Variants in KIFC3 observed in about 807,000 individuals in gnomAD.
KIFC3 encodes kinesin family member C3.
KIFC3 carries 60 observed loss-of-function variants against 101.8 expected under a neutral mutation model. That is an observed-to-expected ratio of 0.59 (90% CI 0.48 to 0.73). KIFC3 has a LOEUF of 0.73. Ranked by LOEUF, KIFC3 falls within the 30% of genes least tolerant of loss-of-function variation. The pLI, the probability that KIFC3 is intolerant of heterozygous loss-of-function variation, is 0.00. For missense variants in KIFC3, 966 were observed against 1,137.1 expected, an observed-to-expected ratio of 0.85 and a Z score of 2.16; for synonymous variants, 476 against 482.7, an observed-to-expected ratio of 0.99 and a Z score of 0.18.
Position 57,765,619 on chromosome 16 carries a change from C to T in KIFC3, c.1352G>A (p.Arg451His), listed in dbSNP as rs980456107. 5.0e-6 allele frequency: 8 copies of T among 1,611,570 alleles called. No homozygotes were observed. The highest frequency in any genetic ancestry group is 5.9e-6 in the Non-Finnish European group (7 of 1,178,906). The change falls in exon 11 of 20, where the codon CGT (arginine) becomes CAT (histidine). Residue 451 changes from arginine to histidine, a missense_variant. By Grantham distance (29) the Arg-to-His change is conservative. Coordinates refer to ENST00000445690, the MANE Select transcript of KIFC3 (RefSeq NM_001130100.2). ...RLKGNIRVIA[R>H]VRPVTKEDGE... The stretch of plus-strand genomic sequence containing the variant: ...ATCCTCTTTGGTGACTGGCCGGACA[C>T]GAGCAATCACTCGGATGTTCCCTGG...
In KIFC3 at chr16:57,766,218, C is replaced by T. The variant is rs4784856; in HGVS notation, c.1331-578G>A. ...GCTCTTGGAATGAAGAGGAAACACC[C>T]CCCACTGCCAGCATGGCCCACCTGC... On this transcript the variant is annotated intron_variant, in intron 10 of 19. Transcript: ENST00000445690. Among the ~76,000 whole-genome samples, 739 of 152,272 alleles carry T rather than the reference C, an allele frequency of 4.9e-3. 2 individuals carry two copies. Among genetic ancestry groups the T allele is most frequent in the African/African-American group, 0.017 (708 of 41,546 alleles).
chr16:57,809,424 T>C (rs2149255817), intron 1 of KIFC3, among the ~76,000 whole-genome samples: 1 of 152,356 alleles, frequency 6.6e-6, no homozygotes, highest in East Asian at 1.9e-4. Flanking sequence ...GCCTCCCGTG[T>C]ACTGGAACTA....
intron 2 of KIFC3, chr16:57,797,870 T>C: frequency 6.9e-7 from 1 of 1,459,302 alleles, no homozygotes; most frequent in Non-Finnish European, 9.0e-7. Flanking sequence ...GTCTCCTCTT[T>C]TCCAGACAGG....
At chr16:57,833,195 C>T (rs1555479690) in intron 1 of KIFC3, among the ~76,000 whole-genome samples, 1 of 145,918 alleles carries the variant, frequency 6.9e-6, no homozygotes, top group African/African-American at 2.6e-5. Flanking sequence ...GGCAAAGCAA[C>T]ACTCTGTCTC....
At chr16:57,820,380 T>C (rs546787261) in intron 1 of KIFC3, among the ~76,000 whole-genome samples, 99 of 152,222 alleles carry the variant, frequency 6.5e-4, no homozygotes, top group Non-Finnish European at 1.2e-3. Context: ...GCTCAAGCAA[T>C]TCCCCCACCT....
chr16:57,780,592 AG>A (rs1555613991), intron 3 of KIFC3, among the ~76,000 whole-genome samples: 8 of 149,216 alleles, frequency 5.4e-5, no homozygotes, highest in Admixed American at 2.0e-4. Context: ...AAAAAAAAAA[AG>A]AAGAAGGCAG....
chr16:57,813,771 A>C (rs1257663448), intron 1 of KIFC3: 5 of 985,290 alleles, frequency 5.1e-6, no homozygotes, highest in African/African-American at 1.7e-5. Flanking sequence ...GTGCCTTCAG[A>C]GGGAAGAGAA....
At chr16:57,793,376 C>T (rs1217891434) in intron 3 of KIFC3, among the ~76,000 whole-genome samples, 18 of 144,832 alleles carry the variant, frequency 1.2e-4, no homozygotes, top group East Asian at 4.1e-4. Context: ...GCAGATCACT[C>T]GAGGTTAGGA....
chr16:57,781,915 C>A, intron 3 of KIFC3: 1 of 985,252 alleles, frequency 1.0e-6, no homozygotes, highest in Non-Finnish European at 1.2e-6. Context: ...AACCCTCACC[C>A]TTAACCATGG....
chr16:57,819,670 C>T (rs1555629580), intron 1 of KIFC3, among the ~76,000 whole-genome samples: 1 of 152,078 alleles, frequency 6.6e-6, no homozygotes, highest in Non-Finnish European at 1.5e-5. Context: ...AAGCGATTCT[C>T]CTGCCTCAGC....
In KIFC3 at chr16:57,769,612, T is replaced by C; in HGVS notation, c.1201A>G (p.Arg401Gly). The change falls in exon 9 of 20, where the codon AGG becomes GGG. Residue 401 changes from arginine to glycine, a missense_variant. Arg to Gly is a moderately radical substitution (Grantham distance 125). This residue lies in a region of KIFC3 where 689 missense variants were observed against 884.6 expected (regional missense o/e 0.78). Coordinates refer to ENST00000445690, the MANE Select transcript of KIFC3 (RefSeq NM_001130100.2). This position sits in a 1 kb window ranked among gnomAD's most constrained non-coding sequence, Gnocchi z 4.3. ...TCGCTCACCTCGGCCTTGACACTCC[T>C]GAGGGCCTCCTGCAGCAGCAGTGGG... Reference protein sequence around the residue: ...GFPLLLQEALRSVKAEIGQAI... With the variant: ...GFPLLLQEALGSVKAEIGQAI... 2.0e-5 allele frequency: 33 copies of C among 1,610,844 alleles called. No individual in the cohort carries two copies. The highest frequency in any genetic ancestry group is 2.8e-5 in the Non-Finnish European group (33 of 1,179,916).
At chr16:57,763,761 T>A (rs1385698710) in intron 12 of KIFC3, among the ~76,000 whole-genome samples, 1 of 152,050 alleles carries the variant, frequency 6.6e-6, no homozygotes, top group African/African-American at 2.4e-5. Flanking sequence ...CCGCCACTCA[T>A]CCCAGATCCC....
rs1568065390 is a variant in KIFC3 at position 57,802,340 on chromosome 16, G to C, written c.-40+30C>G. The stretch of plus-strand genomic sequence containing the variant: ...CCGGGCAGAGCCCAGCGCCCCGCTC[G>C]CACCCAGCCCGCCCGGGCCCCCCAC... On this transcript the variant is annotated intron_variant, in intron 1 of 19. Coordinates refer to ENST00000445690, the MANE Select transcript of KIFC3 (RefSeq NM_001130100.2). This position sits in a 1 kb window ranked among gnomAD's most constrained non-coding sequence, Gnocchi z 5.0. 1 of 967,930 alleles carries C rather than the reference G, an allele frequency of 1.0e-6. No individual in the cohort carries two copies. The highest frequency in any genetic ancestry group is 1.8e-5 in the African/African-American group (1 of 56,732). 60.0% of individuals were successfully genotyped at this position (967,930 alleles called of 1,614,324 possible).
chr16:57,836,623 C>T (rs1555480387), intron 1 of KIFC3, among the ~76,000 whole-genome samples: 4 of 152,162 alleles, frequency 2.6e-5, no homozygotes, highest in African/African-American at 9.7e-5. Context: ...CAAAAATGTA[C>T]CCTCTTGCTC....
At chr16:57,786,602 G>A (rs2053351670) in intron 3 of KIFC3, among the ~76,000 whole-genome samples, 1 of 152,174 alleles carries the variant, frequency 6.6e-6, no homozygotes, top group Admixed American at 6.5e-5. Context: ...GTGTGGCAGA[G>A]TGAAGGGTGA....
At chr16:57,768,138 C>G (rs1448074942) in intron 9 of KIFC3, among the ~76,000 whole-genome samples, 3 of 152,038 alleles carry the variant, frequency 2.0e-5, no homozygotes, top group African/African-American at 7.2e-5. Flanking sequence ...CCAGCCTGGC[C>G]AACATGGTGA....
At chr16:57,823,759 CTTTGTGTGTGTG>C (rs782437973) in intron 1 of KIFC3, among the ~76,000 whole-genome samples, 1 of 54,672 alleles carries the variant, frequency 1.8e-5, no homozygotes, top group South Asian at 6.2e-4. Context: ...CACCCGGCTA[CTTTGTGTGTGTG>C]TGTGTGTGTG....
intron 1 of KIFC3, among the ~76,000 whole-genome samples, chr16:57,855,879 G>A (rs2056154096): frequency 6.6e-6 from 1 of 150,554 alleles, no homozygotes; most frequent in African/African-American, 2.4e-5. Context: ...CTGGGAGGCA[G>A]AGGTTGTAGT....
chr16:57,773,206 G>A (rs1166353325), intron 3 of KIFC3, among the ~76,000 whole-genome samples: 1 of 152,186 alleles, frequency 6.6e-6, no homozygotes, highest in East Asian at 1.9e-4. Flanking sequence ...CGGGAAAGGT[G>A]CGCTAAGAGC....
Sources: allele counts gnomAD v4.1 joint callset (sites outside exome capture counted in the v4.1 genomes callset), GRCh38; gene constraint gnomAD v4.1.1; regional missense constraint gnomAD v4.1.1; non-coding constraint Gnocchi (gnomAD v3.1); transcripts MANE v1.5; gene names NCBI Gene and HGNC (gene_info 2026-07-23, HGNC 2026-07-21).